The following SSR2 variants were observed in gnomAD, a reference collection of about 807,000 sequenced individuals.
The protein encoded by SSR2 is signal sequence receptor subunit 2, also known as translocon-associated protein subunit beta.
Under a neutral mutation model 22.6 loss-of-function variants are expected in SSR2, and 16 were observed. The observed-to-expected ratio is 0.71, with a 90% confidence interval of 0.48 to 1.08. The LOEUF (loss-of-function observed/expected upper bound fraction) is 1.08. Ranked by LOEUF, SSR2 falls within the 50% of genes least tolerant of loss-of-function variation. The pLI is 0.00. For missense variants in SSR2, 171 were observed against 221.6 expected (o/e 0.77, Z 1.45); for synonymous variants, 83 against 91.2 (o/e 0.91, Z 0.51).
At position 156,015,763 on chromosome 1, in the gene SSR2, T is replaced by C. The variant is rs745892693; in HGVS notation, c.255-694A>G. Among the ~76,000 whole-genome samples, 22 of 151,372 alleles carry C rather than the reference T, an allele frequency of 1.5e-4. 1 individual carries two copies. The highest frequency in any genetic ancestry group is 6.6e-5 in the Admixed American group (1 of 15,156). On this transcript the variant is annotated intron_variant, in intron 3 of 5. Transcript: ENST00000295702. ...TTTTAAATCTAAAGTGTATGGTATT[T>C]TTTTCCAGCTAAATTTTAAGGGTCC...
rs1682952294 is a variant in SSR2 at position 156,009,621 on chromosome 1, G to A, written c.471C>T (p.Thr157=). Residue 157 remains threonine, a synonymous_variant, in exon 6 of 6, where the codon ACC becomes ACT. Transcript: ENST00000295702. The part of the protein sequence containing the change: ...FLDWAAFGVM[T]LPSIGIPLLL... ...GCAGGGGGATGCCGATGGAGGGAAG[G>A]GTCATGACCCCAAAGGCTGCCCAGT... The A allele has an allele frequency of 6.2e-7, 1 of 1,612,438 alleles. No homozygotes were observed. Among genetic ancestry groups the A allele is most frequent in the Non-Finnish European group, 8.5e-7 (1 of 1,179,340 alleles).
rs41264997 is a variant in SSR2, at chr1:156,009,180, G to A, written c.*360C>T. 276 of 198,934 alleles carry A rather than the reference G, an allele frequency of 1.4e-3. No individual in the cohort carries two copies. Among genetic ancestry groups the A allele is most frequent in the Admixed American group, 3.4e-3 (54 of 15,768 alleles). 12.3% of individuals were successfully genotyped at this position (198,934 alleles called of 1,614,324 possible). On this transcript the variant is annotated 3_prime_UTR_variant, in exon 6 of 6. Coordinates refer to ENST00000295702, the MANE Select transcript of SSR2 (RefSeq NM_003145.4). ...CACCCTCTTCTGAGAGGGGGAGGCA[G>A]GGGATAGGGGTGGTGTCAGGCAGTC...
intron 4 of SSR2, chr1:156,013,431 G>C (rs12750263): frequency 8.3e-6 from 1 of 120,200 alleles, no homozygotes; most frequent in Non-Finnish European, 2.0e-5. Context: ...GTCTCAAAAA[G>C]AAAAAAAAGA....
intron 5 of SSR2, 94 bp from the exon 6 acceptor site, chr1:156,009,744 T>C: frequency 2.6e-6 from 2 of 764,920 alleles, no homozygotes; most frequent in Non-Finnish European, 4.2e-6. Flanking sequence ...GGGAGCAGTC[T>C]AGCCCAAATT....
intron 2 of SSR2, chr1:156,019,233 T>G: frequency 2.2e-6 from 1 of 454,294 alleles, no homozygotes; most frequent in South Asian, 1.6e-5. Context: ...AGGTCCAAGT[T>G]CATCCTTGCC....
intron 3 of SSR2, among the ~76,000 whole-genome samples, chr1:156,015,505 CAAAAAAAAAAAAA>C (rs1169214264): frequency 2.4e-5 from 1 of 41,026 alleles, no homozygotes; most frequent in African/African-American, 1.4e-4. Flanking sequence ...GACTCCGCCT[CAAAAAAAAAAAAA>C]AAAAAAAAAA....
chr1:156,012,833 C>A (rs970400839), intron 4 of SSR2: 15 of 281,742 alleles, frequency 5.3e-5, no homozygotes, highest in Admixed American at 4.4e-4. Context: ...AGGACTTGGA[C>A]AGTATATTAA....
chr1:156,012,191 T>G (rs963774053), intron 4 of SSR2: 6 of 306,772 alleles, frequency 2.0e-5, no homozygotes, highest in Non-Finnish European at 3.8e-5. Flanking sequence ...CAAATTCTTC[T>G]GTCTGAGCCT....
chr1:156,009,478 A>ACCTGGATTTCTTGGGAGAGGAG lies in SSR2; in HGVS notation c.*40_*61dup, dbSNP rs1435803940. On this transcript the variant is annotated 3_prime_UTR_variant, in exon 6 of 6. Transcript: ENST00000295702. ...AGATACCCTTTGGAGTCTGGAAAGC[A>ACCTGGATTTCTTGGGAGAGGAG]CCTGGATTTCTTGGGAGAGGAGCCT... 3.9e-6 allele frequency: 5 copies of ACCTGGATTTCTTGGGAGAGGAG among 1,292,492 alleles called. No homozygotes were observed. Among genetic ancestry groups the ACCTGGATTTCTTGGGAGAGGAG allele is most frequent in the Admixed American group, 1.7e-5 (1 of 58,438 alleles). 80.1% of individuals were successfully genotyped at this position (1,292,492 alleles called of 1,614,324 possible).
chr1:156,014,511 C>A (rs1683022910), intron 4 of SSR2: 1 of 153,976 alleles, frequency 6.5e-6, no homozygotes, highest in Non-Finnish European at 1.4e-5. Flanking sequence ...CCCTACTAAA[C>A]TATCGAACAC....
intron 3 of SSR2, among the ~76,000 whole-genome samples, chr1:156,015,399 C>T (rs546806491): frequency 8.2e-5 from 12 of 145,998 alleles, no homozygotes; most frequent in Non-Finnish European, 1.5e-4. Context: ...CCCAGCTACT[C>T]GGGAGGCTGA....
At chr1:156,012,455 G>C (rs556981102) in intron 4 of SSR2, 106 of 448,862 alleles carry the variant, frequency 2.4e-4, no homozygotes, top group South Asian at 1.6e-3. Flanking sequence ...GAAGCCAAGA[G>C]TTTGGAGCAC....
At chr1:156,019,892 A>AT in intron 2 of SSR2, 121 bp downstream of exon 2, 1 of 1,092,116 alleles carries the variant, frequency 9.2e-7, no homozygotes, top group Non-Finnish European at 1.3e-6. Context: ...TTCACTCAAT[A>AT]TATCTGATGC....
intron 5 of SSR2, among the ~76,000 whole-genome samples, chr1:156,009,966 G>T (rs1682957032): frequency 6.6e-6 from 1 of 151,626 alleles, no homozygotes; most frequent in Non-Finnish European, 1.5e-5. Flanking sequence ...TAGAGACTGG[G>T]TTTCACCATG....
intron 3 of SSR2, among the ~76,000 whole-genome samples, chr1:156,016,396 GC>G (rs1384975275): frequency 1.3e-5 from 2 of 151,818 alleles, no homozygotes; most frequent in Admixed American, 6.6e-5. Flanking sequence ...ACCACGCCTG[GC>G]TAATTTTTTT....
intron 1 of SSR2, 84 bp from the exon 2 acceptor site, chr1:156,020,251 C>G: frequency 2.0e-6 from 3 of 1,466,828 alleles, no homozygotes; most frequent in Non-Finnish European, 2.8e-6. Context: ...CCGTAGAAAG[C>G]TCCTTCGATG....
chr1:156,015,195 C>A, intron 3 of SSR2, 126 bp from the exon 4 acceptor site: 1 of 716,566 alleles, frequency 1.4e-6, no homozygotes, highest in Non-Finnish European at 2.4e-6. Flanking sequence ...CGGCAATATT[C>A]TGCAGGAATG....
intron 3 of SSR2, among the ~76,000 whole-genome samples, chr1:156,017,438 C>T (rs1446124011): frequency 1.3e-5 from 2 of 152,132 alleles, no homozygotes; most frequent in African/African-American, 2.4e-5. Context: ...CAACCTGCAC[C>T]TCCCGGGTTC....
At chr1:156,009,780 G>T in intron 5 of SSR2, 130 bp from the exon 6 acceptor site, 2 of 511,630 alleles carry the variant, frequency 3.9e-6, no homozygotes, top group Non-Finnish European at 6.7e-6. Context: ...CAAAGTCTTA[G>T]TTTTTTTTTT....
Sources: gnomAD v4.1 joint callset for allele counts (sites outside exome capture counted in the v4.1 genomes callset) on GRCh38, gnomAD v4.1.1 for gene constraint, MANE v1.5 for transcripts, NCBI Gene and HGNC (gene_info 2026-07-23, HGNC 2026-07-21) for gene names.